Variants in TEAD1 observed in about 807,000 individuals in gnomAD.
TEAD1 encodes TEA domain transcription factor 1.
Under a neutral mutation model 54.9 loss-of-function variants are expected in TEAD1, and 9 were observed. That is an observed-to-expected ratio of 0.16 (90% CI 0.10 to 0.29). The LOEUF (loss-of-function observed/expected upper bound fraction) is 0.29, where lower values mean the gene tolerates loss of function less well. TEAD1 is among the 10% of genes least tolerant of loss of function. TEAD1 has a pLI of 1.00. For synonymous variants in TEAD1, 200 were observed against 187.8 expected (o/e 1.07, Z -0.53); for missense variants, 387 against 535.9 (o/e 0.72, Z 2.74).
In TEAD1 at chr11:12,756,634, A is replaced by G. The variant is rs552528903; in HGVS notation, c.-54-7545A>G. Among the ~76,000 whole-genome samples, 6 of 152,346 alleles carry G rather than the reference A, an allele frequency of 3.9e-5. No homozygotes were observed. In the East Asian group the frequency reaches 5.8e-4, roughly 15 times the overall value. Reference sequence around the variant, plus strand: ...CTGTCCTTGATGATATCAGTCATCTACAGAGCTAAGAATTCAGCACTGCCT... The same window carrying G: ...CTGTCCTTGATGATATCAGTCATCTGCAGAGCTAAGAATTCAGCACTGCCT... On this transcript the variant is annotated intron_variant, in intron 2 of 12. Transcript: ENST00000527636.
intron 2 of TEAD1, among the ~76,000 whole-genome samples, chr11:12,730,392 G>T (rs948759116): frequency 7.9e-6 from 1 of 127,050 alleles, no homozygotes; most frequent in Non-Finnish European, 1.7e-5. Flanking sequence ...ATTGGGATTT[G>T]AAACTTTTGA....
At chr11:12,811,907 T>G (rs956298712) in intron 3 of TEAD1, among the ~76,000 whole-genome samples, 16 of 151,960 alleles carry the variant, frequency 1.1e-4, no homozygotes, top group Non-Finnish European at 1.9e-4. Flanking sequence ...TGGGGTGGTG[T>G]TGTAGATCGA....
chr11:12,937,264 C>T lies in TEAD1; in HGVS notation c.*42C>T, dbSNP rs748327090. The T allele has an allele frequency of 7.6e-7, 1 of 1,315,106 alleles. No individual in the cohort carries two copies. The highest frequency in any genetic ancestry group is 1.2e-5 in the South Asian group (1 of 82,954). The allele number at this position is 1,315,106 out of a possible 1,614,324, so 81.5% of individuals were successfully genotyped here. The stretch of plus-strand genomic sequence containing the variant: ...ATATAGATATCTGTATATACACACA[C>T]ACATATGTGCACACACACACTCTCT... On this transcript the variant is annotated 3_prime_UTR_variant, in exon 13 of 13. Coordinates refer to ENST00000527636, the MANE Select transcript of TEAD1 (RefSeq NM_021961.6).
In TEAD1 at chr11:12,937,273, GCA is replaced by G. The variant is rs768600290; in HGVS notation, c.*61_*62del. On this transcript the variant is annotated 3_prime_UTR_variant, in exon 13 of 13. Coordinates refer to ENST00000527636, the MANE Select transcript of TEAD1 (RefSeq NM_021961.6). The stretch of plus-strand genomic sequence containing the variant: ...TCTGTATATACACACACACATATGT[GCA>G]CACACACACTCTCTCTCCATTATCG... 35 of 1,300,096 alleles carry G rather than the reference GCA, an allele frequency of 2.7e-5. No homozygotes were observed. The highest frequency in any genetic ancestry group is 2.4e-4 in the South Asian group (20 of 82,268). The allele number at this position is 1,300,096 out of a possible 1,614,324, so 80.5% of individuals were successfully genotyped here.
intron 2 of TEAD1, among the ~76,000 whole-genome samples, chr11:12,733,301 C>G (rs1436721873): frequency 2.0e-5 from 3 of 152,170 alleles, no homozygotes; most frequent in Admixed American, 1.3e-4. Flanking sequence ...CTCAGAAGTT[C>G]AAGAGCAGGA....
chr11:12,764,010 C>G (rs1363838739), intron 2 of TEAD1, among the ~76,000 whole-genome samples, 169 bp from the exon 3 acceptor site: 1 of 152,140 alleles, frequency 6.6e-6, no homozygotes, highest in Non-Finnish European at 1.5e-5. Flanking sequence ...CCAAAATCAC[C>G]ACTAAAGAAC....
chr11:12,680,222 A>G (rs80120837), intron 2 of TEAD1, among the ~76,000 whole-genome samples: 160 of 152,222 alleles, frequency 1.1e-3, no homozygotes, highest in African/African-American at 3.7e-3. Context: ...GTATCCCTTA[A>G]TTTTTCTTTG....
At chr11:12,763,853 C>T (rs1206648537) in intron 2 of TEAD1, among the ~76,000 whole-genome samples, 1 of 152,180 alleles carries the variant, frequency 6.6e-6, no homozygotes, top group African/African-American at 2.4e-5. Flanking sequence ...ATATAAATTT[C>T]CTCTCGTCTG....
rs1278000922 is a variant in TEAD1, at chr11:12,938,561, G to T, written c.*1339G>T. On this transcript the variant is annotated 3_prime_UTR_variant, in exon 13 of 13. Coordinates refer to ENST00000527636, the MANE Select transcript of TEAD1 (RefSeq NM_021961.6). ...GTAGACTTAGATACATCCTCTTGAA[G>T]CACATCCATTTCTTTAGCGTCTCTC... is the stretch of plus-strand genomic sequence containing the variant. The T allele has an allele frequency of 6.6e-6, 1 of 152,240 alleles. No individual in the cohort carries two copies. The highest frequency in any genetic ancestry group is 1.5e-5 in the Non-Finnish European group (1 of 68,048). The allele number at this position is 152,240 out of a possible 1,614,324, so 9.4% of individuals were successfully genotyped here. A position where few individuals can be genotyped will look rare whatever the true frequency, so the allele number is the denominator to read the frequency against.
chr11:12,754,014 C>T (rs1345804095), intron 2 of TEAD1, among the ~76,000 whole-genome samples: 1 of 152,118 alleles, frequency 6.6e-6, no homozygotes, highest in East Asian at 1.9e-4. Flanking sequence ...AATGCAGTGT[C>T]ACTTTTGTTA....
intron 3 of TEAD1, among the ~76,000 whole-genome samples, chr11:12,827,016 C>T (rs1946671550): frequency 6.6e-6 from 1 of 152,214 alleles, no homozygotes; most frequent in Non-Finnish European, 1.5e-5. Flanking sequence ...TCTCAACTCT[C>T]TGTCTCCAAG....
chr11:12,739,976 A>G (rs1319926347), intron 2 of TEAD1, among the ~76,000 whole-genome samples: 1 of 152,242 alleles, frequency 6.6e-6, no homozygotes, highest in Non-Finnish European at 1.5e-5. Flanking sequence ...ATAAGGCTTT[A>G]CCAAAGAGGT....
intron 5 of TEAD1, 26 bp downstream of exon 5, chr11:12,864,926 TGTG>T (rs1216577575): frequency 7.4e-6 from 12 of 1,613,674 alleles, no homozygotes; most frequent in Non-Finnish European, 1.0e-5. Context: ...CTTTTTGGCT[TGTG>T]GTTGCTATGC....
intron 10 of TEAD1, chr11:12,921,205 C>G (rs936158126): frequency 6.6e-6 from 1 of 152,084 alleles, no homozygotes; most frequent in Non-Finnish European, 1.5e-5. Flanking sequence ...TTATTTTTCC[C>G]CCGTCTTTAC....
chr11:12,893,450 C>T (rs1034859627), intron 9 of TEAD1, among the ~76,000 whole-genome samples: 3 of 152,166 alleles, frequency 2.0e-5, no homozygotes, highest in African/African-American at 4.8e-5. Flanking sequence ...CTGGCCACTT[C>T]CCCTGTTTCT....
intron 10 of TEAD1, among the ~76,000 whole-genome samples, chr11:12,907,093 G>GT (rs368604180): frequency 6.6e-6 from 1 of 152,144 alleles, no homozygotes; most frequent in South Asian, 2.1e-4. Flanking sequence ...TTTTTATGTG[G>GT]TTGTACCATT....
intron 3 of TEAD1, among the ~76,000 whole-genome samples, chr11:12,781,004 A>G (rs1945530773): frequency 6.6e-6 from 1 of 152,248 alleles, no homozygotes; most frequent in African/African-American, 2.4e-5. Context: ...TAAATTAGAC[A>G]TATCATCAAT....
intron 5 of TEAD1, among the ~76,000 whole-genome samples, chr11:12,872,514 T>G (rs1947771823): frequency 6.6e-6 from 1 of 152,246 alleles, no homozygotes; most frequent in East Asian, 1.9e-4. Context: ...GAACGAAAAC[T>G]AAGATTGGAG....
chr11:12,770,263 A>C (rs991051612), intron 3 of TEAD1, among the ~76,000 whole-genome samples: 3 of 152,216 alleles, frequency 2.0e-5, no homozygotes, highest in Admixed American at 6.5e-5. Flanking sequence ...TGTATGCACA[A>C]GGTGTGAGCT....
Sources: allele counts gnomAD v4.1 joint callset (sites outside exome capture counted in the v4.1 genomes callset), GRCh38; gene constraint gnomAD v4.1.1; transcripts MANE v1.5; gene names NCBI Gene and HGNC (gene_info 2026-07-23, HGNC 2026-07-21).